EYS: variants seen among roughly 807,000 people sequenced by gnomAD.
EYS encodes the protein EGF-like photoreceptor maintenance factor, also known as protein eyes shut homolog.
Under a neutral mutation model 282.1 loss-of-function variants are expected in EYS, and 250 were observed. The ratio of observed to expected loss-of-function variants is 0.89; its 90% confidence interval spans 0.80 to 0.98. The LOEUF is 0.98. Ranked by LOEUF, EYS falls within the 50% of genes least tolerant of loss-of-function variation. The pLI is 0.00. For synonymous variants in EYS, 1,355 were observed against 1,282.9 expected, an observed-to-expected ratio of 1.06 and a Z score of -1.20; for missense variants, 4,016 against 3,709.0, an observed-to-expected ratio of 1.08 and a Z score of -2.15.
intron 16 of EYS, among the ~76,000 whole-genome samples, chr6:64,906,244 T>TA (rs1767822667): frequency 6.6e-6 from 1 of 151,704 alleles, no homozygotes; most frequent in African/African-American, 2.4e-5. Flanking sequence ...TAGTCTCTAA[T>TA]AAGATTTTTA....
Position 64,198,126 on chromosome 6 carries a change from G to A in EYS, c.6424+32466C>T, listed in dbSNP as rs566797804. ...TCCTGCCTCAGCCTCCCAAGTAGCC[G>A]GGACTACAGGCGCCCGCCACCACGG... On this transcript the variant is annotated intron_variant, in intron 31 of 42. Transcript: ENST00000503581. Among the ~76,000 whole-genome samples, 6 of 151,614 alleles carry A rather than the reference G, an allele frequency of 4.0e-5. No individual in the cohort carries two copies. In the South Asian group the frequency reaches 6.2e-4, roughly 16 times the overall value.
intron 31 of EYS, among the ~76,000 whole-genome samples, chr6:64,220,091 TTGG>T (rs1766051803): frequency 6.6e-6 from 1 of 152,018 alleles, no homozygotes; most frequent in Non-Finnish European, 1.5e-5. Context: ...AAATGACAAA[TTGG>T]TGGGTACAGC....
rs1764904701 is a variant in EYS, at chr6:64,821,708, AAT to A, written c.3178_3179del (p.Ile1060Ter). 9 of 1,522,488 alleles carry A rather than the reference AAT, an allele frequency of 5.9e-6. No homozygotes were observed. Among genetic ancestry groups the A allele is most frequent in the Non-Finnish European group, 8.0e-6 (9 of 1,123,460 alleles). The allele number at this position is 1,522,488 out of a possible 1,614,324, so 94.3% of individuals were successfully genotyped here. A position where few individuals can be genotyped will look rare whatever the true frequency, so the allele number is the denominator to read the frequency against. On this transcript the variant is annotated frameshift_variant, in exon 21 of 43. Transcript: ENST00000503581. LOFTEE classifies it high-confidence loss of function. ...PCLHGRCTEL[I>X]NEYPCSCDAD... ...CATCACATGAACATGGATATTCATTAATAAGTTCTGTGCACCTGAAACACAGA... is the reference window on the plus strand; with the variant it reads ...CATCACATGAACATGGATATTCATTAAAGTTCTGTGCACCTGAAACACAGA...
At chr6:64,864,349 A>AAAATAATT (rs1213860479) in intron 19 of EYS, among the ~76,000 whole-genome samples, 1 of 145,712 alleles carries the variant, frequency 6.9e-6, no homozygotes, top group Non-Finnish European at 1.5e-5. Flanking sequence ...TGAGAAGGCA[A>AAAATAATT]AAATAATTTT....
At chr6:64,769,946 C>T (rs1470110729) in intron 22 of EYS, among the ~76,000 whole-genome samples, 1 of 151,936 alleles carries the variant, frequency 6.6e-6, no homozygotes, top group Non-Finnish European at 1.5e-5. Context: ...TATATATACA[C>T]ACACACATAC....
chr6:64,154,315 C>T (rs1774841607), intron 31 of EYS, among the ~76,000 whole-genome samples: 1 of 151,926 alleles, frequency 6.6e-6, no homozygotes, highest in African/African-American at 2.4e-5. Flanking sequence ...TGGTACATGC[C>T]TGTAGTCCCA....
chr6:64,480,343 G>T (rs567512381), intron 26 of EYS, among the ~76,000 whole-genome samples: 1 of 151,728 alleles, frequency 6.6e-6, no homozygotes, highest in Non-Finnish European at 1.5e-5. Flanking sequence ...CATACCAATG[G>T]ATAGCTAATA....
At chr6:64,410,446 C>T (rs921206873) in intron 28 of EYS, among the ~76,000 whole-genome samples, 1 of 151,996 alleles carries the variant, frequency 6.6e-6, no homozygotes, top group Non-Finnish European at 1.5e-5. Flanking sequence ...CCTTTTACTT[C>T]CACTGAAGCA....
chr6:64,486,778 C>T (rs146971265), intron 26 of EYS, among the ~76,000 whole-genome samples: 34 of 151,426 alleles, frequency 2.2e-4, no homozygotes, highest in Non-Finnish European at 4.6e-4. Flanking sequence ...GCTGCCTTCA[C>T]ATAAATCATC....
At chr6:64,996,570 G>T (rs1771271077) in intron 14 of EYS, among the ~76,000 whole-genome samples, 1 of 152,158 alleles carries the variant, frequency 6.6e-6, no homozygotes, top group Admixed American at 6.5e-5. Flanking sequence ...TAAAGCATGA[G>T]ACATGGACCA....
intron 26 of EYS, among the ~76,000 whole-genome samples, chr6:64,521,381 G>A (rs1046532895): frequency 6.6e-6 from 1 of 151,738 alleles, no homozygotes; most frequent in Non-Finnish European, 1.5e-5. Context: ...TTGCCCAGAA[G>A]TCACTGGGAA....
intron 30 of EYS, among the ~76,000 whole-genome samples, chr6:64,248,037 T>TTG (rs1348150657): frequency 2.6e-5 from 4 of 152,256 alleles, no homozygotes; most frequent in Admixed American, 2.0e-4. Context: ...CCAGAAGGAC[T>TTG]TGGCTAGGAG....
chr6:65,255,786 A>T (rs1055087473), intron 12 of EYS, among the ~76,000 whole-genome samples: 4 of 152,054 alleles, frequency 2.6e-5, no homozygotes, highest in Admixed American at 1.3e-4. Flanking sequence ...TGTAAATCAA[A>T]ACCACAATGA....
intron 24 of EYS, among the ~76,000 whole-genome samples, chr6:64,609,344 G>A (rs1349341850): frequency 6.6e-6 from 1 of 152,150 alleles, no homozygotes; most frequent in Non-Finnish European, 1.5e-5. Flanking sequence ...AGGAAGGATT[G>A]GAGATCATTC....
chr6:64,759,007 C>T (rs1324283406), intron 22 of EYS, among the ~76,000 whole-genome samples: 2 of 152,034 alleles, frequency 1.3e-5, no homozygotes, highest in African/African-American at 2.4e-5. Context: ...GACGTGATGG[C>T]GGGCGCCTGT....
At chr6:64,743,562 G>A (rs967374680) in intron 22 of EYS, among the ~76,000 whole-genome samples, 1 of 152,016 alleles carries the variant, frequency 6.6e-6, no homozygotes, top group Admixed American at 6.6e-5. Flanking sequence ...AGTTCTGATT[G>A]CTTTTCAAAG....
Position 65,584,831 on chromosome 6 carries a change from A to G in EYS, c.-333+54947T>C, listed in dbSNP as rs1307599763. ...ATATATGTCTTTTACACATGCATGT[A>G]TACACACAAATACAATTTACTTATA... On this transcript the variant is annotated intron_variant, in intron 2 of 42. Transcript: ENST00000503581. Among the ~76,000 whole-genome samples the G allele has an allele frequency of 6.6e-5, 10 of 151,202 alleles. No individual in the cohort carries two copies. The East Asian group carries it at 1.7e-3, about 26-fold the overall frequency.
At chr6:65,615,611 C>T (rs1473321430) in intron 2 of EYS, among the ~76,000 whole-genome samples, 1 of 151,952 alleles carries the variant, frequency 6.6e-6, no homozygotes, top group Non-Finnish European at 1.5e-5. Flanking sequence ...GGCATCTACA[C>T]GAATACTTCT....
chr6:64,939,569 T>C (rs535721117), intron 15 of EYS, among the ~76,000 whole-genome samples: 4 of 152,002 alleles, frequency 2.6e-5, no homozygotes, highest in Non-Finnish European at 5.9e-5. Context: ...ATTAATACCA[T>C]GTTGGACAAT....
Sources: gnomAD v4.1 joint callset for allele counts (sites outside exome capture counted in the v4.1 genomes callset) on GRCh38, gnomAD v4.1.1 for gene constraint, MANE v1.5 for transcripts, NCBI Gene and HGNC (gene_info 2026-07-23, HGNC 2026-07-21) for gene names.